Variants in BNC2 observed in about 807,000 individuals in gnomAD.
The protein encoded by BNC2 is zinc finger protein basonuclin-2.
A neutral mutation model predicts 76.3 loss-of-function variants in BNC2; 20 were observed. That is an observed-to-expected ratio of 0.26 (90% confidence interval 0.18 to 0.38). BNC2 has a LOEUF of 0.38. BNC2 is among the 10% of genes least tolerant of loss of function. The pLI is 1.00. For missense variants in BNC2, 1,382 were observed against 1,399.8 expected (o/e 0.99, Z 0.20); for synonymous variants, 582 against 514.8 (o/e 1.13, Z -1.77).
At chr9:16,524,460 C>T (rs562722015) in intron 5 of BNC2, among the ~76,000 whole-genome samples, 1 of 151,972 alleles carries the variant, frequency 6.6e-6, no homozygotes, top group African/African-American at 2.4e-5. Flanking sequence ...AGGAAAGGGC[C>T]CAAATCTCCT....
At position 16,507,404 on chromosome 9, in the gene BNC2, C is replaced by T. The variant is rs186893942; in HGVS notation, c.669+45126G>A. On this transcript the variant is annotated intron_variant, in intron 5 of 6. Coordinates refer to ENST00000380672, the MANE Select transcript of BNC2 (RefSeq NM_017637.6). ...CCTCCCAAGTAGCTGAGGCTACAGG[C>T]GCATGCCCCCACACCTAGCTCATTT... Among the ~76,000 whole-genome samples, 373 of 152,066 alleles carry T rather than the reference C, an allele frequency of 2.5e-3. 3 individuals are homozygous for T. The highest frequency in any genetic ancestry group is 8.6e-3 in the African/African-American group (357 of 41,514).
At chr9:16,832,422 C>A in intron 1 of BNC2, 1 of 541,474 alleles carries the variant, frequency 1.8e-6, no homozygotes, top group Non-Finnish European at 2.6e-6. Flanking sequence ...CTTTCAAGAA[C>A]ATAGCTACAA....
At chr9:16,859,042 C>G (rs775670330) in intron 1 of BNC2, among the ~76,000 whole-genome samples, 1 of 151,958 alleles carries the variant, frequency 6.6e-6, no homozygotes, top group Admixed American at 6.6e-5. Context: ...AGGTGAAGGA[C>G]TTGAATAGAT....
intron 5 of BNC2, among the ~76,000 whole-genome samples, chr9:16,486,714 G>C (rs1280574909): frequency 6.6e-6 from 1 of 151,978 alleles, no homozygotes; most frequent in East Asian, 1.9e-4. Context: ...AGCAATTTGG[G>C]AGATTCACAG....
chr9:16,788,412 G>A (rs1441020222), intron 1 of BNC2, among the ~76,000 whole-genome samples: 1 of 152,024 alleles, frequency 6.6e-6, no homozygotes, highest in Non-Finnish European at 1.5e-5. Context: ...AATTAGCCGG[G>A]CGTGGTGGTA....
intron 5 of BNC2, among the ~76,000 whole-genome samples, chr9:16,478,791 T>C (rs1446519188): frequency 2.0e-5 from 3 of 152,136 alleles, no homozygotes; most frequent in African/African-American, 7.2e-5. Flanking sequence ...TGTGTAAGAG[T>C]ACCTCTAAAT....
intron 5 of BNC2, among the ~76,000 whole-genome samples, chr9:16,522,515 A>T (rs1462951468): frequency 6.6e-6 from 1 of 152,106 alleles, no homozygotes; most frequent in Admixed American, 6.5e-5. Flanking sequence ...GCAAAAGGAG[A>T]CTTTCTGATG....
At chr9:16,735,720 G>A (rs1824647333) in intron 2 of BNC2, among the ~76,000 whole-genome samples, 1 of 151,822 alleles carries the variant, frequency 6.6e-6, no homozygotes, top group Admixed American at 6.6e-5. Flanking sequence ...GGCCAGGCTG[G>A]TCTTGAACTC....
At chr9:16,665,628 G>A (rs139472061) in intron 3 of BNC2, among the ~76,000 whole-genome samples, 129 of 152,132 alleles carry the variant, frequency 8.5e-4, no homozygotes, top group African/African-American at 3.0e-3. Flanking sequence ...TATTTGACTA[G>A]CATCATGAAT....
chr9:16,459,505 C>T (rs77446792), intron 5 of BNC2, among the ~76,000 whole-genome samples: 1,847 of 152,184 alleles, frequency 0.012, 25 homozygotes, highest in African/African-American at 0.043. Flanking sequence ...CACTCCAAGC[C>T]AACTAGGAAG....
chr9:16,476,524 C>A (rs1160149410), intron 5 of BNC2, among the ~76,000 whole-genome samples: 1 of 151,364 alleles, frequency 6.6e-6, no homozygotes, highest in Non-Finnish European at 1.5e-5. Context: ...CAGAAGTACT[C>A]TAGATAACTT....
chr9:16,789,973 A>G (rs1479469655), intron 1 of BNC2, among the ~76,000 whole-genome samples: 1 of 152,200 alleles, frequency 6.6e-6, no homozygotes, highest in Non-Finnish European at 1.5e-5. Context: ...GCAATACCAC[A>G]AAAGTGATCA....
At chr9:16,463,964 T>G (rs1470926574) in intron 5 of BNC2, among the ~76,000 whole-genome samples, 2 of 151,758 alleles carry the variant, frequency 1.3e-5, no homozygotes. Context: ...GGCTTGGTGG[T>G]GCACACCTGT....
intron 3 of BNC2, among the ~76,000 whole-genome samples, chr9:16,721,479 C>T (rs1824156282): frequency 6.6e-6 from 1 of 152,114 alleles, no homozygotes; most frequent in South Asian, 2.1e-4. Flanking sequence ...TCAGCTTTGG[C>T]AGACAGTAGT....
Position 16,419,446 on chromosome 9 carries a change from C to A in BNC2, c.2843G>T (p.Gly948Val). The change falls in exon 7 of 7, where the codon GGG (glycine) becomes GTG (valine). Residue 948 changes from glycine (G) to valine (V), a missense_variant. By Grantham distance (109) the Gly-to-Val change is moderately radical. This residue lies in a region of BNC2 where 798 missense variants were observed against 775.5 expected (regional missense o/e 1.03). Transcript: ENST00000380672. ...PAGTEDSHLN[G>V]YGRGMAEDYM... ...GTCCTCTGCCATGCCTCTCCCATAC[C>A]CGTTCAGGTGGGAGTCTTCAGTCCC... 1 of 1,611,912 alleles carries A rather than the reference C, an allele frequency of 6.2e-7. No homozygotes were observed. The highest frequency in any genetic ancestry group is 8.5e-7 in the Non-Finnish European group (1 of 1,178,762).
chr9:16,567,518 ATAAAT>A (rs1343358482), intron 4 of BNC2, among the ~76,000 whole-genome samples: 1 of 152,182 alleles, frequency 6.6e-6, no homozygotes, highest in Non-Finnish European at 1.5e-5. Context: ...AAACCTTCAA[ATAAAT>A]TAAAATAAAT....
Position 16,636,361 on chromosome 9 carries a change from G to A in BNC2, c.331-53276C>T, listed in dbSNP as rs1297776447. Among the ~76,000 whole-genome samples the A allele has an allele frequency of 2.6e-5, 4 of 151,904 alleles. 1 individual carries two copies. The highest frequency in any genetic ancestry group is 7.3e-5 in the African/African-American group (3 of 41,334). ...TCTGTCACCCAAACTGGAGTGCAGT[G>A]GCACAATCACAGCTCACTGCAGCTT... On this transcript the variant is annotated intron_variant, in intron 3 of 6. Coordinates refer to ENST00000380672, the MANE Select transcript of BNC2 (RefSeq NM_017637.6).
chr9:16,432,493 T>A (rs145612330), intron 6 of BNC2, among the ~76,000 whole-genome samples: 2,516 of 152,326 alleles, frequency 0.017, 36 homozygotes, highest in South Asian at 0.034. Flanking sequence ...TATAACCACT[T>A]TGGGAGAAGC....
intron 1 of BNC2, among the ~76,000 whole-genome samples, chr9:16,739,425 G>A (rs10810602): frequency 0.089 from 13,515 of 152,278 alleles, 783 homozygotes; most frequent in Admixed American, 0.19. Context: ...TCCCAAAACT[G>A]TGGAAAGCCG....
Sources: allele counts gnomAD v4.1 joint callset (sites outside exome capture counted in the v4.1 genomes callset), GRCh38; gene constraint gnomAD v4.1.1; regional missense constraint gnomAD v4.1.1; transcripts MANE v1.5; gene names NCBI Gene and HGNC (gene_info 2026-07-23, HGNC 2026-07-21).